RORA: variants seen among roughly 807,000 people sequenced by gnomAD.
RORA encodes nuclear receptor ROR-alpha.
In RORA, 7 loss-of-function variants were observed where a neutral mutation model predicts 69.5. That is an observed-to-expected ratio of 0.10 (90% confidence interval 0.06 to 0.19). The LOEUF is 0.19. Among genes scored for constraint, RORA ranks in the 10% least tolerant of loss-of-function variants. RORA has a pLI of 1.00. For synonymous variants in RORA, 261 were observed against 240.8 expected, an observed-to-expected ratio of 1.08 and a Z score of -0.78; for missense variants, 457 against 663.0, an observed-to-expected ratio of 0.69 and a Z score of 3.41.
At chr15:60,693,054 A>G (rs1300436489) in intron 1 of RORA, among the ~76,000 whole-genome samples, 1 of 152,252 alleles carries the variant, frequency 6.6e-6, no homozygotes, top group Non-Finnish European at 1.5e-5. Flanking sequence ...ATCCTCAATA[A>G]AATACCAGCA....
At chr15:60,784,142 A>G (rs2072303128) in intron 1 of RORA, among the ~76,000 whole-genome samples, 1 of 152,196 alleles carries the variant, frequency 6.6e-6, no homozygotes, top group Admixed American at 6.5e-5. Context: ...CAAAGGAGAG[A>G]ATTATTCCTT....
chr15:60,939,128 C>A (rs1213546070), intron 1 of RORA, among the ~76,000 whole-genome samples: 1 of 152,238 alleles, frequency 6.6e-6, no homozygotes, highest in African/African-American at 2.4e-5. Context: ...TCCACTTTGG[C>A]CTTAGTGCTC....
intron 1 of RORA, among the ~76,000 whole-genome samples, chr15:60,821,501 C>T (rs2072893601): frequency 6.6e-6 from 1 of 152,240 alleles, no homozygotes; most frequent in Admixed American, 6.5e-5. Context: ...TAGTAACTCA[C>T]CACTTTTATC....
chr15:61,083,970 A>T (rs932903385), intron 1 of RORA, among the ~76,000 whole-genome samples: 2 of 152,228 alleles, frequency 1.3e-5, no homozygotes, highest in African/African-American at 2.4e-5. Context: ...CCACCCCTTT[A>T]GGGTTGAACC....
At chr15:61,205,315 G>C (rs2079930657) in intron 1 of RORA, among the ~76,000 whole-genome samples, 1 of 152,160 alleles carries the variant, frequency 6.6e-6, no homozygotes, top group East Asian at 1.9e-4. Flanking sequence ...AGGGTGGGGG[G>C]CAATTCTGAG....
chr15:61,214,156 TA>T (rs2080017291), intron 1 of RORA: 1 of 152,250 alleles, frequency 6.6e-6, no homozygotes, highest in South Asian at 2.1e-4. Context: ...TAATGAGAGC[TA>T]AAACCAGAGT....
chr15:61,095,302 T>C (rs977340135), intron 1 of RORA, among the ~76,000 whole-genome samples: 20 of 152,202 alleles, frequency 1.3e-4, no homozygotes, highest in African/African-American at 4.6e-4. Flanking sequence ...GTATTTTAGA[T>C]ACTTACAGTA....
intron 2 of RORA, among the ~76,000 whole-genome samples, chr15:60,674,935 G>A (rs1347337491): frequency 6.6e-6 from 1 of 152,142 alleles, no homozygotes; most frequent in Non-Finnish European, 1.5e-5. Context: ...ACAGAAGGAA[G>A]CAGCAATGGT....
intron 1 of RORA, among the ~76,000 whole-genome samples, chr15:61,192,735 G>A (rs2079812023): frequency 6.6e-6 from 1 of 152,180 alleles, no homozygotes; most frequent in South Asian, 2.1e-4. Context: ...GCTCCTCACT[G>A]AGTATGTGAT....
chr15:60,702,514 G>A (rs569837126), intron 1 of RORA, among the ~76,000 whole-genome samples: 2 of 152,304 alleles, frequency 1.3e-5, no homozygotes, highest in African/African-American at 4.8e-5. Flanking sequence ...TTACAGGCGT[G>A]AGCCACCGCG....
chr15:60,706,242 G>A (rs2071061204), intron 1 of RORA: 1 of 152,208 alleles, frequency 6.6e-6, no homozygotes, highest in African/African-American at 2.4e-5. Flanking sequence ...CTGACTTCCA[G>A]CCTGGTGGCT....
chr15:61,001,862 C>A (rs1011016830), intron 1 of RORA, among the ~76,000 whole-genome samples: 1 of 152,184 alleles, frequency 6.6e-6, no homozygotes, highest in Non-Finnish European at 1.5e-5. Flanking sequence ...GCATTTAAAC[C>A]AAGAACAGAA....
chr15:60,717,796 C>CT (rs10653856), intron 1 of RORA, among the ~76,000 whole-genome samples: 29,876 of 92,154 alleles, frequency 0.32, 5,509 homozygotes, highest in African/African-American at 0.35. Flanking sequence ...TTCTTTTTCT[C>CT]TTTTTTTTTT....
chr15:60,752,795 G>C (rs1168859951), intron 1 of RORA, among the ~76,000 whole-genome samples: 3 of 152,134 alleles, frequency 2.0e-5, no homozygotes, highest in African/African-American at 7.2e-5. Context: ...GCCATTGGAT[G>C]AATCAGCCTC....
intron 1 of RORA, among the ~76,000 whole-genome samples, chr15:60,852,620 G>C (rs1234111215): frequency 1.3e-5 from 2 of 152,180 alleles, no homozygotes; most frequent in African/African-American, 4.8e-5. Context: ...AGCAACCTGG[G>C]AATATTTTAT....
chr15:60,854,484 T>C (rs1215432956), intron 1 of RORA, among the ~76,000 whole-genome samples: 1 of 152,136 alleles, frequency 6.6e-6, no homozygotes, highest in African/African-American at 2.4e-5. Flanking sequence ...ATAAACAGAA[T>C]CTGCAAAATG....
At position 60,594,061 on chromosome 15, in the gene RORA, T is replaced by C. The variant is rs138236402; in HGVS notation, c.197-62210A>G. ...TTATAAAAGTTTGATTTCAGATAAA[T>C]TCATTCTAATACAGCTTTTTTTCTT... On this transcript the variant is annotated intron_variant, in intron 2 of 10. Coordinates refer to ENST00000335670, the MANE Select transcript of RORA (RefSeq NM_134261.3). Among the ~76,000 whole-genome samples, 314 of 152,284 alleles carry C rather than the reference T, an allele frequency of 2.1e-3. 1 individual carries two copies. The highest frequency in any genetic ancestry group is 7.0e-3 in the African/African-American group (290 of 41,554).
intron 1 of RORA, among the ~76,000 whole-genome samples, chr15:61,210,397 G>A (rs1006803511): frequency 2.0e-5 from 3 of 152,130 alleles, no homozygotes; most frequent in African/African-American, 7.2e-5. Flanking sequence ...AATAAGGCGA[G>A]TCTAAGACCT....
In RORA at chr15:61,191,933, A is replaced by G. The variant is rs140142660; in HGVS notation, c.166+37120T>C. ...GCCATTCAAGCTTCGCTTCTCTAAG[A>G]AAAGCCTGCCTAGAATGAAGATACA... is the stretch of plus-strand genomic sequence containing the variant. On this transcript the variant is annotated intron_variant, in intron 1 of 10. Coordinates refer to ENST00000335670, the MANE Select transcript of RORA (RefSeq NM_134261.3). 1.8e-3 allele frequency among the ~76,000 whole-genome samples: 273 copies of G among 152,388 alleles called. 2 individuals are homozygous for G. The highest frequency in any genetic ancestry group is 6.3e-3 in the African/African-American group (264 of 41,600).
Sources: gnomAD v4.1 joint callset for allele counts (sites outside exome capture counted in the v4.1 genomes callset) on GRCh38, gnomAD v4.1.1 for gene constraint, MANE v1.5 for transcripts, NCBI Gene and HGNC (gene_info 2026-07-23, HGNC 2026-07-21) for gene names.